FRYL: variants seen among roughly 807,000 people sequenced by gnomAD.
FRYL encodes FRY like transcription coactivator, also known as protein furry homolog-like.
Under a neutral mutation model 351.2 loss-of-function variants are expected in FRYL, and 150 were observed. The observed-to-expected ratio is 0.43, with a 90% CI of 0.37 to 0.49. The LOEUF is 0.49. Ranked by LOEUF, FRYL falls within the 20% of genes least tolerant of loss-of-function variation. The pLI is 0.00. For synonymous variants in FRYL, 1,153 were observed against 1,257.1 expected, an observed-to-expected ratio of 0.92 and a Z score of 1.75; for missense variants, 3,036 against 3,619.3, an observed-to-expected ratio of 0.84 and a Z score of 4.13.
At chr4:48,758,326 AT>A (rs1774022080) in intron 1 of FRYL, among the ~76,000 whole-genome samples, 3 of 152,300 alleles carry the variant, frequency 2.0e-5, no homozygotes, top group South Asian at 2.1e-4. Context: ...TTTGCAATCT[AT>A]CCATGTGACA....
intron 3 of FRYL, chr4:48,681,234 C>T (rs994795840): frequency 4.7e-5 from 17 of 364,946 alleles, no homozygotes; most frequent in Non-Finnish European, 7.3e-5. Context: ...AGCAAATAAA[C>T]GTCATATGAA....
chr4:48,628,495 AG>A (rs1162519330), intron 4 of FRYL, among the ~76,000 whole-genome samples: 1 of 150,956 alleles, frequency 6.6e-6, no homozygotes, highest in Non-Finnish European at 1.5e-5. Context: ...TAAAAAAAAT[AG>A]AACAAAGAAT....
At chr4:48,568,486 TG>T (rs1578158390) in intron 27 of FRYL, among the ~76,000 whole-genome samples, 1 of 152,234 alleles carries the variant, frequency 6.6e-6, no homozygotes. Context: ...GCTATATAAA[TG>T]ATTAGCTATT....
chr4:48,593,996 C>T lies in FRYL; in HGVS notation c.1269G>A (p.Met423Ile), dbSNP rs865992709. The stretch of plus-strand genomic sequence containing the variant: ...TGAGAAGATCAAATATTATTTCTTT[C>T]ATTGCAAAATCCAAGCGTTCCTTAA... Reference protein sequence around the residue: ...FIAQERLDFAMKEIIFDLLSV... With the variant: ...FIAQERLDFAIKEIIFDLLSV... The change falls in exon 16 of 64, where the codon ATG becomes ATA. Residue 423 changes from methionine to isoleucine, a missense_variant. Transcript: ENST00000358350. 1 of 1,474,380 alleles carries T rather than the reference C, an allele frequency of 6.8e-7. No individual in the cohort carries two copies. Among genetic ancestry groups the T allele is most frequent in the Non-Finnish European group, 9.0e-7 (1 of 1,109,114 alleles). 91.3% of individuals were successfully genotyped at this position (1,474,380 alleles called of 1,614,324 possible).
chr4:48,559,312 A>C (rs576989644), intron 33 of FRYL, among the ~76,000 whole-genome samples: 1 of 151,688 alleles, frequency 6.6e-6, no homozygotes, highest in African/African-American at 2.4e-5. Flanking sequence ...GTCTGTGGGT[A>C]TAGGGGTCAC....
chr4:48,681,402 T>C (rs146618830), intron 3 of FRYL, among the ~76,000 whole-genome samples: 1 of 152,278 alleles, frequency 6.6e-6, no homozygotes, highest in African/African-American at 2.4e-5. Context: ...ACGACAATAC[T>C]GAGACCATAA....
chr4:48,766,839 A>G (rs1774996952), intron 1 of FRYL, among the ~76,000 whole-genome samples: 1 of 151,916 alleles, frequency 6.6e-6, no homozygotes, highest in Admixed American at 6.6e-5. Context: ...TAAGGAGGTG[A>G]TTTAAGAGTC....
chr4:48,562,568 T>C (rs1387859840), intron 32 of FRYL, among the ~76,000 whole-genome samples: 1 of 152,184 alleles, frequency 6.6e-6, no homozygotes, highest in East Asian at 1.9e-4. Flanking sequence ...CCAAAAAAAT[T>C]TGGACACACA....
At chr4:48,605,109 T>C (rs187224484) in intron 11 of FRYL, among the ~76,000 whole-genome samples, 1 of 152,182 alleles carries the variant, frequency 6.6e-6, no homozygotes, top group Admixed American at 6.5e-5. Flanking sequence ...GGCTAAAAAC[T>C]GGGTGGGAGG....
At chr4:48,634,825 T>C (rs1753913666) in intron 3 of FRYL, among the ~76,000 whole-genome samples, 1 of 152,116 alleles carries the variant, frequency 6.6e-6, no homozygotes, top group African/African-American at 2.4e-5. Flanking sequence ...ATTTGCTGAA[T>C]GAATGAATGG....
chr4:48,665,797 C>T (rs1473661560), intron 3 of FRYL, among the ~76,000 whole-genome samples: 1 of 152,150 alleles, frequency 6.6e-6, no homozygotes, highest in African/African-American at 2.4e-5. Context: ...TGTACGGAGA[C>T]CTCTTACAGT....
chr4:48,568,691 A>G (rs1237227312), intron 27 of FRYL, among the ~76,000 whole-genome samples: 1 of 152,194 alleles, frequency 6.6e-6, no homozygotes, highest in Non-Finnish European at 1.5e-5. Flanking sequence ...ACAACAATAA[A>G]TATGTATTGA....
chr4:48,505,626 G>GT lies in FRYL; in HGVS notation c.8395-12dup. On this transcript the variant is annotated splice_polypyrimidine_tract_variant and intron_variant, in intron 59 of 63. Coordinates refer to ENST00000358350, the MANE Select transcript of FRYL (RefSeq NM_015030.2). ...ACAATCATCTAGCCACTAAAAATAA[G>GT]TAACAGTAACGTTTAATATGCACAG... The GT allele has an allele frequency of 1.9e-6, 3 of 1,580,076 alleles. No homozygotes were observed. The highest frequency in any genetic ancestry group is 2.6e-6 in the Non-Finnish European group (3 of 1,151,188).
At chr4:48,593,280 A>AAAG (rs746962850) in intron 16 of FRYL, among the ~76,000 whole-genome samples, 1 of 151,548 alleles carries the variant, frequency 6.6e-6, no homozygotes, top group Admixed American at 6.6e-5. Flanking sequence ...CCAAAAAAAA[A>AAAG]AAAACCTGGG....
intron 2 of FRYL, among the ~76,000 whole-genome samples, chr4:48,709,775 G>C (rs191213789): frequency 7.2e-4 from 110 of 152,272 alleles, no homozygotes; most frequent in Non-Finnish European, 1.3e-3. Context: ...ATTAGAACTA[G>C]AGCTAAAATG....
intron 1 of FRYL, among the ~76,000 whole-genome samples, chr4:48,717,644 A>T (rs1560309664): frequency 6.6e-6 from 1 of 151,518 alleles, no homozygotes; most frequent in Non-Finnish European, 1.5e-5. Flanking sequence ...GTGTTCAAGC[A>T]ATCCTCCTGC....
intron 2 of FRYL, among the ~76,000 whole-genome samples, chr4:48,710,046 C>T (rs1328040871): frequency 6.6e-6 from 1 of 152,138 alleles, no homozygotes; most frequent in Non-Finnish European, 1.5e-5. Flanking sequence ...TGTTGGCTAA[C>T]TGACATCTAT....
intron 16 of FRYL, among the ~76,000 whole-genome samples, chr4:48,592,927 T>A (rs965265689): frequency 2.6e-5 from 4 of 152,142 alleles, no homozygotes; most frequent in Non-Finnish European, 5.9e-5. Context: ...TTAAAATAAA[T>A]AAGAAAATAA....
chr4:48,556,692 A>T (rs1734196093), intron 35 of FRYL, among the ~76,000 whole-genome samples: 1 of 152,158 alleles, frequency 6.6e-6, no homozygotes, highest in Non-Finnish European at 1.5e-5. Flanking sequence ...ATACTTTATT[A>T]GCTTACTGAT....
Sources: allele counts gnomAD v4.1 joint callset (sites outside exome capture counted in the v4.1 genomes callset), GRCh38; gene constraint gnomAD v4.1.1; transcripts MANE v1.5; gene names NCBI Gene and HGNC (gene_info 2026-07-23, HGNC 2026-07-21).